Variants in TSHZ2 observed in about 807,000 individuals in gnomAD.
TSHZ2 encodes teashirt homolog 2.
TSHZ2 carries 21 observed loss-of-function variants against 74.4 expected under a neutral mutation model. That is an observed-to-expected ratio of 0.28 (90% confidence interval 0.20 to 0.41). The LOEUF (loss-of-function observed/expected upper bound fraction) is 0.41, where lower values mean the gene tolerates loss of function less well. Ranked by LOEUF, TSHZ2 falls within the 10% of genes least tolerant of loss-of-function variation. The pLI is 1.00. For synonymous variants in TSHZ2, 540 were observed against 515.3 expected (o/e 1.05, Z -0.65); for missense variants, 1,244 against 1,293.5 (o/e 0.96, Z 0.59).
chr20:53,360,868 T>C (rs1981023792), intron 2 of TSHZ2, among the ~76,000 whole-genome samples: 1 of 152,198 alleles, frequency 6.6e-6, no homozygotes, highest in Non-Finnish European at 1.5e-5. Context: ...AAAACTTTTG[T>C]GTTCAGGATA....
At chr20:53,242,940 T>A (rs1990107756) in intron 1 of TSHZ2, among the ~76,000 whole-genome samples, 1 of 152,154 alleles carries the variant, frequency 6.6e-6, no homozygotes, top group African/African-American at 2.4e-5. Flanking sequence ...CTCTGGGAGC[T>A]TACAGTCTTA....
chr20:53,093,395 C>T (rs998259439), intron 1 of TSHZ2, among the ~76,000 whole-genome samples: 2 of 152,208 alleles, frequency 1.3e-5, no homozygotes, highest in African/African-American at 4.8e-5. Context: ...AGTGTCTTTT[C>T]TGCTTAAAGC....
intron 1 of TSHZ2, among the ~76,000 whole-genome samples, chr20:53,020,796 T>C (rs1983214340): frequency 6.6e-6 from 1 of 152,198 alleles, no homozygotes; most frequent in Non-Finnish European, 1.5e-5. Context: ...TAAAAGAAGC[T>C]GCTGTATCTC....
intron 1 of TSHZ2, among the ~76,000 whole-genome samples, chr20:53,023,622 T>G (rs893471315): frequency 1.1e-4 from 5 of 44,484 alleles, no homozygotes; most frequent in South Asian, 1.1e-3. Context: ...GTTTTTTGTT[T>G]TTTTTTTTGC....
chr20:53,122,216 A>G (rs907754111), intron 1 of TSHZ2, among the ~76,000 whole-genome samples: 3 of 150,624 alleles, frequency 2.0e-5, no homozygotes, highest in African/African-American at 7.3e-5. Context: ...TGAGCCCAGC[A>G]GGTGCAGGAT....
intron 1 of TSHZ2, among the ~76,000 whole-genome samples, chr20:53,120,756 A>AAG (rs1986786267): frequency 6.6e-6 from 1 of 152,238 alleles, no homozygotes; most frequent in Non-Finnish European, 1.5e-5. Flanking sequence ...GTCTTAGGCA[A>AAG]AGAGCAACAA....
intron 2 of TSHZ2, among the ~76,000 whole-genome samples, chr20:53,297,620 G>C (rs997390550): frequency 2.6e-5 from 4 of 152,190 alleles, no homozygotes; most frequent in Non-Finnish European, 5.9e-5. Context: ...CTGGGGGTAG[G>C]ACACAGTTAG....
chr20:53,039,356 TCAA>T (rs1397787442), intron 1 of TSHZ2, among the ~76,000 whole-genome samples: 1 of 152,210 alleles, frequency 6.6e-6, no homozygotes, highest in Non-Finnish European at 1.5e-5. Flanking sequence ...TGAATATTTC[TCAA>T]CAACAAGTGT....
intron 1 of TSHZ2, among the ~76,000 whole-genome samples, chr20:53,152,493 A>G (rs901034811): frequency 1.3e-5 from 2 of 152,174 alleles, no homozygotes; most frequent in African/African-American, 2.4e-5. Flanking sequence ...GAATGGCTGA[A>G]TGGCTGTTGC....
chr20:53,370,763 C>CA (rs1981438206), intron 2 of TSHZ2, among the ~76,000 whole-genome samples: 1 of 152,030 alleles, frequency 6.6e-6, no homozygotes, highest in African/African-American at 2.4e-5. Context: ...GACCTTATCT[C>CA]AAAAAACAAA....
chr20:53,215,890 A>T (rs1353372764), intron 1 of TSHZ2, among the ~76,000 whole-genome samples: 7 of 151,630 alleles, frequency 4.6e-5, no homozygotes, highest in South Asian at 4.2e-4. Flanking sequence ...AAAAAAATTT[A>T]AAAAATGGTT....
intron 1 of TSHZ2, among the ~76,000 whole-genome samples, chr20:53,100,302 C>T (rs1290790045): frequency 6.6e-6 from 1 of 152,138 alleles, no homozygotes; most frequent in Non-Finnish European, 1.5e-5. Flanking sequence ...TTTGCCTTCC[C>T]GTTTTCCAGG....
intron 1 of TSHZ2, among the ~76,000 whole-genome samples, chr20:53,050,156 C>CACAT (rs1555819346): frequency 7.1e-5 from 9 of 126,604 alleles, no homozygotes; most frequent in African/African-American, 1.7e-4. Flanking sequence ...TATATATACA[C>CACAT]ATATATATGT....
chr20:53,214,148 A>G (rs1989380727), intron 1 of TSHZ2, among the ~76,000 whole-genome samples: 1 of 152,256 alleles, frequency 6.6e-6, no homozygotes, highest in Admixed American at 6.5e-5. Flanking sequence ...GTAATTAAAT[A>G]TTTATTGAAA....
intron 2 of TSHZ2, among the ~76,000 whole-genome samples, chr20:53,364,131 C>G (rs1568885995): frequency 6.6e-6 from 1 of 151,948 alleles, no homozygotes; most frequent in African/African-American, 2.4e-5. Context: ...GCAACAGACA[C>G]TCAGCATTAA....
At chr20:53,309,395 A>G (rs1978684740) in intron 2 of TSHZ2, among the ~76,000 whole-genome samples, 1 of 152,238 alleles carries the variant, frequency 6.6e-6, no homozygotes, top group African/African-American at 2.4e-5. Context: ...CAATGAAAAA[A>G]GAATTTATCA....
intron 2 of TSHZ2, among the ~76,000 whole-genome samples, chr20:53,279,392 CAT>C (rs1029927276): frequency 2.6e-5 from 4 of 152,088 alleles, no homozygotes; most frequent in African/African-American, 9.7e-5. Context: ...TTTTGTGTGT[CAT>C]AAAACATCAT....
At chr20:53,124,019 A>T (rs1435960072) in intron 1 of TSHZ2, among the ~76,000 whole-genome samples, 1 of 152,182 alleles carries the variant, frequency 6.6e-6, no homozygotes, top group Non-Finnish European at 1.5e-5. Context: ...AAAACACCCG[A>T]ATTTCCCCTA....
intron 1 of TSHZ2, among the ~76,000 whole-genome samples, chr20:53,000,267 A>G (rs1982362374): frequency 6.6e-6 from 1 of 152,224 alleles, no homozygotes; most frequent in African/African-American, 2.4e-5. Context: ...TAGGTTATAT[A>G]AGTACCTATA....
Sources: allele counts gnomAD v4.1 joint callset (sites outside exome capture counted in the v4.1 genomes callset), GRCh38; gene constraint gnomAD v4.1.1; transcripts MANE v1.5; gene names NCBI Gene and HGNC (gene_info 2026-07-23, HGNC 2026-07-21).